TXNRD1: variants seen among roughly 807,000 people sequenced by gnomAD.
The protein encoded by TXNRD1 is thioredoxin reductase 1, cytoplasmic.
A neutral mutation model predicts 80.3 loss-of-function variants in TXNRD1; 57 were observed. The ratio of observed to expected loss-of-function variants is 0.71; its 90% CI spans 0.57 to 0.89. The LOEUF is 0.89. Ranked by LOEUF, TXNRD1 falls within the 40% of genes least tolerant of loss-of-function variation. The pLI, the probability that TXNRD1 is intolerant of heterozygous loss-of-function variation, is 0.00. For synonymous variants in TXNRD1, 291 were observed against 285.2 expected, an observed-to-expected ratio of 1.02 and a Z score of -0.20; for missense variants, 730 against 803.0, an observed-to-expected ratio of 0.91 and a Z score of 1.10.
chr12:104,235,062 G>A (rs568275886), intron 1 of TXNRD1, among the ~76,000 whole-genome samples: 7 of 152,268 alleles, frequency 4.6e-5, no homozygotes, highest in African/African-American at 1.7e-4. Context: ...GCTCGGAGTC[G>A]CAAAGAAAAT....
chr12:104,245,786 G>A (rs946701896), intron 1 of TXNRD1, among the ~76,000 whole-genome samples: 1 of 151,964 alleles, frequency 6.6e-6, no homozygotes, highest in African/African-American at 2.4e-5. Context: ...TATCAGCACT[G>A]GGAGTTTTCA....
rs2033980816 is a variant in TXNRD1, at chr12:104,286,780, G to T, written c.305-2151G>T. The T allele has an allele frequency of 6.9e-6, 7 of 1,019,284 alleles. No homozygotes were observed. The South Asian group carries it at 2.6e-4, about 38-fold the overall frequency. 63.1% of individuals were successfully genotyped at this position (1,019,284 alleles called of 1,614,324 possible). On this transcript the variant is annotated intron_variant, in intron 3 of 16. Transcript: ENST00000525566. ...TAAAAACACACTTATTCCAAATTTG[G>T]TTCCAGAATTGCCTTAAATTGTTTT...
At chr12:104,321,067 TC>T in intron 9 of TXNRD1, 23 bp from the exon 10 acceptor site, 7 of 1,453,340 alleles carry the variant, frequency 4.8e-6, no homozygotes, top group South Asian at 1.2e-5. Context: ...TCTTCTTTCT[TC>T]CTTTTTTTTT....
At chr12:104,292,615 G>A (rs949472058) in intron 4 of TXNRD1, among the ~76,000 whole-genome samples, 30 of 151,770 alleles carry the variant, frequency 2.0e-4, no homozygotes, top group African/African-American at 6.6e-4. Flanking sequence ...GGCTGGTCTC[G>A]ATCTCCTGAC....
In TXNRD1 at chr12:104,300,842, C is replaced by A. The variant is rs979259087; in HGVS notation, c.415-10448C>A. ...TCTATTTTTAGTAGAGACGTGGTTT[C>A]TCCATATTGATCAGGCTGGTCTCAA... On this transcript the variant is annotated intron_variant, in intron 4 of 16. Transcript: ENST00000525566. Among the ~76,000 whole-genome samples, 5 of 152,108 alleles carry A rather than the reference C, an allele frequency of 3.3e-5. No homozygotes were observed. The East Asian group carries it at 9.6e-4, about 29-fold the overall frequency.
chr12:104,305,394 T>C, intron 4 of TXNRD1, among the ~76,000 whole-genome samples: 1 of 152,048 alleles, frequency 6.6e-6, no homozygotes, highest in Non-Finnish European at 1.5e-5. Context: ...GCAGTGAATA[T>C]GCAACATTAA....
At position 104,319,539 on chromosome 12, in the gene TXNRD1, C is replaced by T; in HGVS notation, c.943C>T (p.Pro315Ser). ...ATTTCTCATTGCCACTGGTGAAAGA[C>T]CACGTTACTTGGGCATCCCTGGTGA... ...ERFLIATGER[P>S]RYLGIPGDKE... The change falls in exon 9 of 17, where the codon CCA becomes TCA. Residue 315 changes from proline (P) to serine (S), a missense_variant. Pro to Ser is a moderately conservative substitution (Grantham distance 74). Transcript: ENST00000525566. 1 of 1,605,732 alleles carries T rather than the reference C, an allele frequency of 6.2e-7. No homozygotes were observed.
chr12:104,339,122 A>ATTTTTTT lies in TXNRD1; in HGVS notation c.1747-14_1747-8dup. 6.4e-7 allele frequency: 1 copy of ATTTTTTT among 1,559,582 alleles called. No homozygotes were observed. Among genetic ancestry groups the ATTTTTTT allele is most frequent in the South Asian group, 1.1e-5 (1 of 87,094 alleles). On this transcript the variant is annotated splice_polypyrimidine_tract_variant and intron_variant, in intron 15 of 16. Coordinates refer to ENST00000525566, the MANE Select transcript of TXNRD1 (RefSeq NM_001093771.3). The stretch of plus-strand genomic sequence containing the variant: ...AAAATCAGCTTAATTGCATTATTGT[A>ATTTTTTT]TTTTTTTTTGCCTTAGGAACGTGTT...
In TXNRD1 at chr12:104,340,931, G is replaced by A. The variant is rs76198084; in HGVS notation, c.1881+1658G>A. On this transcript the variant is annotated intron_variant, in intron 16 of 16. Transcript: ENST00000525566. ...TTTTGATAGGGACGAAGGAAAAGAC[G>A]ATTTTATTGTCTTTTGTATATGAGT... Among the ~76,000 whole-genome samples the A allele has an allele frequency of 5.6e-3, 855 of 152,184 alleles. 56 individuals are homozygous for A. The East Asian group carries it at 0.14, about 24-fold the overall frequency.
intron 1 of TXNRD1, among the ~76,000 whole-genome samples, chr12:104,216,632 C>T (rs144744044): frequency 0.01 from 1,555 of 152,190 alleles, 19 homozygotes; most frequent in African/African-American, 0.035. Context: ...TATCATAAAC[C>T]CCATTATACA....
At chr12:104,219,711 C>A (rs1565849239) in intron 1 of TXNRD1, among the ~76,000 whole-genome samples, 1 of 152,136 alleles carries the variant, frequency 6.6e-6, no homozygotes, top group Non-Finnish European at 1.5e-5. Context: ...ACTATCTTAT[C>A]TCCTACAGTC....
At chr12:104,326,460 A>T (rs878889123) in intron 12 of TXNRD1, 37 bp downstream of exon 12, 487 of 540,000 alleles carry the variant, frequency 9.0e-4, no homozygotes, top group Non-Finnish European at 1.0e-3. Context: ...TATTTGTGGG[A>T]TTTTTTTTTT....
At chr12:104,269,972 A>G (rs545162952) in intron 3 of TXNRD1, among the ~76,000 whole-genome samples, 2 of 152,228 alleles carry the variant, frequency 1.3e-5, no homozygotes, top group Admixed American at 6.5e-5. Context: ...TGGCCTCCCA[A>G]AGTGCTAGGA....
At chr12:104,300,846 A>C (rs2034598224) in intron 4 of TXNRD1, among the ~76,000 whole-genome samples, 1 of 152,258 alleles carries the variant, frequency 6.6e-6, no homozygotes, top group South Asian at 2.1e-4. Context: ...TGGTTTCTCC[A>C]TATTGATCAG....
chr12:104,231,415 C>A (rs1454664540), intron 1 of TXNRD1, among the ~76,000 whole-genome samples: 1 of 152,110 alleles, frequency 6.6e-6, no homozygotes, highest in East Asian at 1.9e-4. Flanking sequence ...CGAGAGGAAA[C>A]AATTTGATTT....
intron 4 of TXNRD1, among the ~76,000 whole-genome samples, chr12:104,302,125 T>A (rs920595085): frequency 3.3e-5 from 5 of 152,234 alleles, no homozygotes; most frequent in African/African-American, 1.2e-4. Flanking sequence ...TATGTACAAC[T>A]AACCGTAATG....
chr12:104,232,598 G>C, intron 1 of TXNRD1, among the ~76,000 whole-genome samples: 1 of 152,086 alleles, frequency 6.6e-6, no homozygotes, highest in African/African-American at 2.4e-5. Flanking sequence ...CCACAGGTTA[G>C]GAACCCTGTG....
intron 4 of TXNRD1, chr12:104,310,027 C>A (rs751370566): frequency 1.3e-6 from 2 of 1,536,094 alleles, no homozygotes; most frequent in Non-Finnish European, 1.7e-6. Flanking sequence ...CTTCTTCTTC[C>A]GCTGACCCCA....
At chr12:104,232,261 T>C (rs907805822) in intron 1 of TXNRD1, among the ~76,000 whole-genome samples, 1 of 152,146 alleles carries the variant, frequency 6.6e-6, no homozygotes. Flanking sequence ...GCTCCTGGCC[T>C]ATTAGAAAGT....
Sources: allele counts gnomAD v4.1 joint callset (sites outside exome capture counted in the v4.1 genomes callset), GRCh38; gene constraint gnomAD v4.1.1; transcripts MANE v1.5; gene names NCBI Gene and HGNC (gene_info 2026-07-23, HGNC 2026-07-21).